The following RPH3AL variants were observed in gnomAD, a reference collection of about 807,000 sequenced individuals.
RPH3AL encodes rabphilin 3A like (without C2 domains).
In RPH3AL, 38 loss-of-function variants were observed where a neutral mutation model predicts 43.1. The observed-to-expected ratio is 0.88, with a 90% CI of 0.68 to 1.15. The LOEUF (loss-of-function observed/expected upper bound fraction) is 1.15. Among genes scored for constraint, RPH3AL ranks in the 50% most tolerant of loss-of-function variants. The pLI, the probability that RPH3AL is intolerant of heterozygous loss-of-function variation, is 0.00. For synonymous variants in RPH3AL, 189 were observed against 176.3 expected, an observed-to-expected ratio of 1.07 and a Z score of -0.57; for missense variants, 462 against 423.2, an observed-to-expected ratio of 1.09 and a Z score of -0.81.
Position 327,745 on chromosome 17 carries a change from C to T in RPH3AL, c.-36-166G>A, listed in dbSNP as rs139651333. Among the ~76,000 whole-genome samples the T allele has an allele frequency of 9.2e-3, 1,407 of 152,308 alleles. 11 individuals are homozygous for T. The highest frequency in any genetic ancestry group is 0.037 in the Middle Eastern group (11 of 294). The stretch of plus-strand genomic sequence containing the variant: ...CCATCTCTCCAGCAAAACACTCTTC[C>T]CTCAAGGCTCCTCTTCAGAAGGCTC... On this transcript the variant is annotated intron_variant, in intron 2 of 9. Transcript: ENST00000331302.
At chr17:235,946 GATCCA>G (rs2041380533) in intron 7 of RPH3AL, among the ~76,000 whole-genome samples, 1 of 149,756 alleles carries the variant, frequency 6.7e-6, no homozygotes, top group African/African-American at 2.4e-5. Flanking sequence ...TAACAAGACA[GATCCA>G]GGGTTCAAAG....
intron 1 of RPH3AL, chr17:336,117 T>A (rs1337337228): frequency 8.8e-6 from 1 of 113,854 alleles, no homozygotes; most frequent in African/African-American, 3.1e-5. Flanking sequence ...TCCCGAGGCC[T>A]CGAAGACACT....
chr17:245,109 ATGTGGATGTGTG>A lies in RPH3AL; in HGVS notation c.613+1990_613+2001del, dbSNP rs1160931409. On this transcript the variant is annotated intron_variant, in intron 7 of 9. Transcript: ENST00000331302. The surrounding 1 kb of genome is among the most constrained non-coding windows in gnomAD (Gnocchi z 5.9). ...CAAGTGTGTGTAGACGTGTGTGTAC[ATGTGGATGTGTG>A]TGTGGATGTGTGTGTCCATGTGGAT... is the stretch of plus-strand genomic sequence containing the variant. Among the ~76,000 whole-genome samples the A allele has an allele frequency of 4.8e-4, 72 of 149,968 alleles. 1 individual carries two copies. Among genetic ancestry groups the A allele is most frequent in the South Asian group, 2.1e-4 (1 of 4,702 alleles).
At chr17:308,128 A>G (rs1203823549) in intron 5 of RPH3AL, among the ~76,000 whole-genome samples, 1 of 152,226 alleles carries the variant, frequency 6.6e-6, no homozygotes, top group Admixed American at 6.5e-5. Context: ...TCCACGTCTG[A>G]ATTAGGTCAA....
rs112871918 is a variant in RPH3AL, at chr17:235,794, T to C, written c.613+11317A>G. ...CGGCGGAGGCTCCGCACTAACAAGA[T>C]GGATCCTGGGTTCAAAGCTGGGGTC... is the stretch of plus-strand genomic sequence containing the variant. On this transcript the variant is annotated intron_variant, in intron 7 of 9. Coordinates refer to ENST00000331302, the MANE Select transcript of RPH3AL (RefSeq NM_006987.4). 2.0e-3 allele frequency among the ~76,000 whole-genome samples: 146 copies of C among 73,176 alleles called. 1 individual carries two copies. The highest frequency in any genetic ancestry group is 3.1e-3 in the African/African-American group (59 of 19,308). 48.0% of individuals were successfully genotyped at this position (73,176 alleles called of 152,430 possible).
chr17:219,485 C>G, intron 8 of RPH3AL, 138 bp downstream of exon 8: 1 of 575,106 alleles, frequency 1.7e-6, no homozygotes, highest in African/African-American at 1.9e-5. Flanking sequence ...ACATAAGCCA[C>G]TGTGCCCGGC....
At chr17:307,418 A>G (rs533261932) in intron 5 of RPH3AL, among the ~76,000 whole-genome samples, 15 of 137,566 alleles carry the variant, frequency 1.1e-4, no homozygotes, top group South Asian at 4.8e-4. Context: ...CCCACGGCAG[A>G]TCCTCCCCAC....
At chr17:235,017 T>C (rs935010187) in intron 7 of RPH3AL, among the ~76,000 whole-genome samples, 11 of 152,146 alleles carry the variant, frequency 7.2e-5, no homozygotes, top group South Asian at 4.1e-4. Context: ...AAACAGCATA[T>C]GCGTTTGACG....
chr17:319,714 A>AACTATTCAGTGAGC (rs1056991894), intron 4 of RPH3AL, among the ~76,000 whole-genome samples, 165 bp from the exon 5 acceptor site: 15 of 150,322 alleles, frequency 1.0e-4, no homozygotes, highest in African/African-American at 3.7e-4. Context: ...TTCACTCACC[A>AACTATTCAGTGAGC]ACTATTCAGT....
chr17:326,775 G>A (rs1300157064), intron 3 of RPH3AL, among the ~76,000 whole-genome samples: 3 of 152,186 alleles, frequency 2.0e-5, no homozygotes, highest in Non-Finnish European at 4.4e-5. Context: ...CCAGCTACTC[G>A]GGAGGCAGGA....
At chr17:260,533 C>T (rs782809324) in intron 6 of RPH3AL, among the ~76,000 whole-genome samples, 3 of 152,200 alleles carry the variant, frequency 2.0e-5, no homozygotes, top group South Asian at 2.1e-4. Flanking sequence ...AGGGAGACTG[C>T]GTTCTGTCTG....
rs1555540579 is a variant in RPH3AL at position 247,301 on chromosome 17, G to A, written c.439-16C>T. On this transcript the variant is annotated splice_polypyrimidine_tract_variant and intron_variant, in intron 6 of 9. Coordinates refer to ENST00000331302, the MANE Select transcript of RPH3AL (RefSeq NM_006987.4). The stretch of plus-strand genomic sequence containing the variant: ...TCTTCCAGACCTGAGTGGGGGAAGA[G>A]AGCTGCTTGGGGCACAGGACGCAGA... 3 of 1,552,666 alleles carry A rather than the reference G, an allele frequency of 1.9e-6. No homozygotes were observed. The highest frequency in any genetic ancestry group is 2.6e-6 in the Non-Finnish European group (3 of 1,148,650).
At chr17:219,793 A>G in intron 7 of RPH3AL, 57 bp from the exon 8 acceptor site, 1 of 1,333,438 alleles carries the variant, frequency 7.5e-7, no homozygotes, top group East Asian at 2.3e-5. Context: ...ACCTGCAGGC[A>G]TGGACGGAGG....
At chr17:291,213 GA>G (rs1202671708) in intron 5 of RPH3AL, among the ~76,000 whole-genome samples, 1 of 152,164 alleles carries the variant, frequency 6.6e-6, no homozygotes, top group Non-Finnish European at 1.5e-5. Context: ...TGTCCTCAAA[GA>G]GTGTCCCATT....
At chr17:348,872 A>C (rs2045299940) in intron 1 of RPH3AL, 1 of 152,162 alleles carries the variant, frequency 6.6e-6, no homozygotes, top group Non-Finnish European at 1.5e-5. Flanking sequence ...CACAGTTGGA[A>C]TCTGTGTTTA....
chr17:304,037 G>A (rs112107699), intron 5 of RPH3AL, among the ~76,000 whole-genome samples: 6 of 1,942 alleles, frequency 3.1e-3, no homozygotes, highest in East Asian at 0.024. Flanking sequence ...GGGAGGGAGG[G>A]AGGCTGTACT....
chr17:311,107 C>G (rs557987143), intron 5 of RPH3AL, among the ~76,000 whole-genome samples: 1 of 152,156 alleles, frequency 6.6e-6, no homozygotes, highest in Non-Finnish European at 1.5e-5. Flanking sequence ...AAATGCAGCT[C>G]GTCCCCTGAA....
At chr17:304,985 G>GT (rs1248411418) in intron 5 of RPH3AL, among the ~76,000 whole-genome samples, 11 of 50,358 alleles carry the variant, frequency 2.2e-4, no homozygotes, top group African/African-American at 9.2e-4. Flanking sequence ...GGGCGGGAGG[G>GT]GGACAGGGCG....
At chr17:291,838 G>A (rs1050318203) in intron 5 of RPH3AL, among the ~76,000 whole-genome samples, 12 of 152,182 alleles carry the variant, frequency 7.9e-5, no homozygotes, top group African/African-American at 2.7e-4. Context: ...GCTCCACCAC[G>A]TAAATATGTA....
Sources: allele counts gnomAD v4.1 joint callset (sites outside exome capture counted in the v4.1 genomes callset), GRCh38; gene constraint gnomAD v4.1.1; non-coding constraint Gnocchi (gnomAD v3.1); transcripts MANE v1.5; gene names NCBI Gene and HGNC (gene_info 2026-07-23, HGNC 2026-07-21).